NPR3: variants seen among roughly 807,000 people sequenced by gnomAD.
NPR3 encodes the protein atrial natriuretic peptide receptor 3.
In NPR3, 34 loss-of-function variants were observed where a neutral mutation model predicts 54.5. That is an observed-to-expected ratio of 0.62 (90% CI 0.47 to 0.83). The LOEUF (loss-of-function observed/expected upper bound fraction) is 0.83. Ranked by LOEUF, NPR3 falls within the 40% of genes least tolerant of loss-of-function variation. NPR3 has a pLI of 0.00. For synonymous variants in NPR3, 289 were observed against 297.1 expected, an observed-to-expected ratio of 0.97 and a Z score of 0.28; for missense variants, 674 against 720.8, an observed-to-expected ratio of 0.94 and a Z score of 0.74.
intron 2 of NPR3, among the ~76,000 whole-genome samples, chr5:32,735,840 G>C (rs2111934217): frequency 6.6e-6 from 1 of 152,300 alleles, no homozygotes; most frequent in South Asian, 2.1e-4. Context: ...GCCCACAAAA[G>C]CAAGAAGTCG....
intron 3 of NPR3, among the ~76,000 whole-genome samples, chr5:32,745,019 A>G (rs755402195): frequency 2.0e-5 from 3 of 152,166 alleles, no homozygotes; most frequent in Non-Finnish European, 4.4e-5. Flanking sequence ...GTCAAATCAA[A>G]CACACTTCCT....
upstream of NPR3, chr5:32,710,551 C>G (rs1738154409): frequency 3.1e-6 from 4 of 1,275,648 alleles, no homozygotes; most frequent in Non-Finnish European, 4.1e-6. Flanking sequence ...GACCTCGGCA[C>G]CGCTGCGATT....
rs569843063 is a variant in NPR3 at position 32,704,011 on chromosome 5, C to T, written c.100+14825C>T. Among the ~76,000 whole-genome samples the T allele has an allele frequency of 2.0e-5, 3 of 152,324 alleles. No individual in the cohort carries two copies. The East Asian group carries it at 5.8e-4, about 29-fold the overall frequency. On this transcript the variant is annotated intron_variant, in intron 1 of 5. Transcript: ENST00000509104. ...AGCACTTTAGCCCACTGTGGCAAGG[C>T]TTGTTGTATCTCAGGTTCCAACCAC...
intron 3 of NPR3, among the ~76,000 whole-genome samples, chr5:32,774,079 G>C (rs1741910526): frequency 6.6e-6 from 1 of 152,184 alleles, no homozygotes; most frequent in Non-Finnish European, 1.5e-5. Context: ...GCTTGGCAGG[G>C]AGTAGGGATA....
Position 32,789,401 on chromosome 5 carries a change from C to T in NPR3, c.*3056C>T, listed in dbSNP as rs757312234. ...CTCCCTCAAGACTGACCACAGGTTT[C>T]ATGAGAAGGTCCCTGAAAACATCAC... On this transcript the variant is annotated 3_prime_UTR_variant, in exon 8 of 8. Transcript: ENST00000265074. The T allele has an allele frequency of 3.9e-6, 2 of 512,266 alleles. No homozygotes were observed. Among genetic ancestry groups the T allele is most frequent in the Non-Finnish European group, 8.0e-6 (2 of 250,854 alleles). 31.7% of individuals were successfully genotyped at this position (512,266 alleles called of 1,614,324 possible).
intron 2 of NPR3, among the ~76,000 whole-genome samples, chr5:32,737,357 C>G (rs1243169437): frequency 6.6e-6 from 1 of 152,222 alleles, no homozygotes; most frequent in Admixed American, 6.5e-5. Context: ...CTGCCAATCT[C>G]AGGACCTTGC....
At chr5:32,695,481 G>A (rs1199010777) in intron 1 of NPR3, among the ~76,000 whole-genome samples, 1 of 152,066 alleles carries the variant, frequency 6.6e-6, no homozygotes, top group Non-Finnish European at 1.5e-5. Flanking sequence ...TGTTAGTCAG[G>A]ATGATCTGGA....
At chr5:32,774,887 C>T (rs769611142) in intron 4 of NPR3, 44 bp downstream of exon 4, 1 of 1,506,504 alleles carries the variant, frequency 6.6e-7, no homozygotes, top group East Asian at 2.3e-5. Context: ...GCCAAATGAG[C>T]TGCTGCTTTT....
intron 1 of NPR3, among the ~76,000 whole-genome samples, chr5:32,703,448 G>A (rs1413667822): frequency 6.6e-6 from 1 of 151,880 alleles, no homozygotes; most frequent in Middle Eastern, 3.2e-3. Context: ...CCATGGCTGG[G>A]AATGTGCTGG....
chr5:32,758,730 C>T (rs1033785769), intron 3 of NPR3, among the ~76,000 whole-genome samples: 17 of 152,020 alleles, frequency 1.1e-4, no homozygotes, highest in Admixed American at 5.2e-4. Flanking sequence ...TGCTTTCTCT[C>T]GTGGGCTTTC....
intron 1 of NPR3, among the ~76,000 whole-genome samples, chr5:32,700,428 G>A (rs1740638093): frequency 6.6e-6 from 1 of 151,444 alleles, no homozygotes; most frequent in African/African-American, 2.4e-5. Context: ...TTGAGTTCTA[G>A]GGTACATGCG....
intron 3 of NPR3, among the ~76,000 whole-genome samples, chr5:32,743,987 A>AT (rs199604802): frequency 0.037 from 4,170 of 113,398 alleles, 216 homozygotes; most frequent in South Asian, 0.059. Flanking sequence ...ATTCTGATGC[A>AT]TTTTTTTTTT....
At chr5:32,691,087 T>C (rs1458035660) in intron 1 of NPR3, among the ~76,000 whole-genome samples, 6 of 152,232 alleles carry the variant, frequency 3.9e-5, no homozygotes, top group Admixed American at 2.6e-4. Context: ...TGAAGTTACC[T>C]GCAGAATTCT....
Position 32,764,785 on chromosome 5 carries a change from T to A in NPR3, c.1060-9923T>A, listed in dbSNP as rs1287304276. ...CCTGGGTGACAAGAGTGAGGGTCCATCTCAAAAAAAAAAAAAAAAAAAAAA... is the reference window on the plus strand; with the variant it reads ...CCTGGGTGACAAGAGTGAGGGTCCAACTCAAAAAAAAAAAAAAAAAAAAAA... On this transcript the variant is annotated intron_variant, in intron 3 of 7. Transcript: ENST00000265074. Among the ~76,000 whole-genome samples, 63 of 58,248 alleles carry A rather than the reference T, an allele frequency of 1.1e-3. No homozygotes were observed. In the East Asian group the frequency reaches 0.027, roughly 25 times the overall value. 38.2% of individuals were successfully genotyped at this position (58,248 alleles called of 152,430 possible).
chr5:32,753,624 CTTTTTTTTTTTT>C (rs70961660), intron 3 of NPR3, among the ~76,000 whole-genome samples: 34 of 102,790 alleles, frequency 3.3e-4, no homozygotes, highest in African/African-American at 1.2e-3. Context: ...TCTCAGCATC[CTTTTTTTTTTTT>C]TTTTTTTTTT....
upstream of NPR3, among the ~76,000 whole-genome samples, chr5:32,708,656 C>G (rs944294601): frequency 2.0e-5 from 3 of 152,120 alleles, no homozygotes; most frequent in African/African-American, 7.2e-5. Context: ...GGGTGTCAGG[C>G]TGGGTGACTT....
At chr5:32,774,940 C>T (rs1488428713) in intron 4 of NPR3, 97 bp downstream of exon 4, 6 of 978,468 alleles carry the variant, frequency 6.1e-6, no homozygotes, top group South Asian at 1.4e-5. Context: ...GCCTTTCCAG[C>T]GTCTTGCTTT....
intron 1 of NPR3, among the ~76,000 whole-genome samples, chr5:32,700,687 C>G (rs4867122): frequency 1.1e-4 from 16 of 152,130 alleles, no homozygotes; most frequent in Admixed American, 1.0e-3. Context: ...GAGAATGATG[C>G]TTTCCAGCTT....
chr5:32,766,372 A>G (rs1048284643), intron 3 of NPR3, among the ~76,000 whole-genome samples: 2 of 152,242 alleles, frequency 1.3e-5, no homozygotes, highest in African/African-American at 2.4e-5. Flanking sequence ...AGACAGCAGA[A>G]TCCCAACCTC....
Sources: gnomAD v4.1 joint callset for allele counts (sites outside exome capture counted in the v4.1 genomes callset) on GRCh38, gnomAD v4.1.1 for gene constraint, MANE v1.5 for transcripts, NCBI Gene and HGNC (gene_info 2026-07-23, HGNC 2026-07-21) for gene names.